Variants in CDH5 observed in about 807,000 individuals in gnomAD.
CDH5 encodes the protein cadherin-5.
CDH5 carries 28 observed loss-of-function variants against 62.0 expected under a neutral mutation model. The ratio of observed to expected loss-of-function variants is 0.45; its 90% CI spans 0.33 to 0.62. The LOEUF (loss-of-function observed/expected upper bound fraction) is 0.62, where lower values mean the gene tolerates loss of function less well. Among genes scored for constraint, CDH5 ranks in the 20% least tolerant of loss-of-function variants. CDH5 has a pLI of 0.02. For missense variants in CDH5, 940 were observed against 1,065.1 expected (o/e 0.88, Z 1.63); for synonymous variants, 464 against 445.8 (o/e 1.04, Z -0.52).
chr16:66,379,333 G>T lies in CDH5; in HGVS notation c.-5G>T. 2 of 1,604,062 alleles carry T rather than the reference G, an allele frequency of 1.2e-6. No individual in the cohort carries two copies. Among genetic ancestry groups the T allele is most frequent in the Non-Finnish European group, 1.7e-6 (2 of 1,173,146 alleles). On this transcript the variant is annotated 5_prime_UTR_variant, in exon 2 of 12. Coordinates refer to ENST00000341529, the MANE Select transcript of CDH5 (RefSeq NM_001795.5). ...TCTTTCCCCAGATCTGTTCCTCCTG[G>T]GAAGATGCAGAGGCTCATGATGCTC...
chr16:66,392,494 T>C, intron 7 of CDH5, 111 bp downstream of exon 7: 1 of 1,433,880 alleles, frequency 7.0e-7, no homozygotes, highest in South Asian at 1.3e-5. Context: ...CTCCTAGCAC[T>C]TACAGGGAAA....
rs147540615 is a variant in CDH5 at position 66,389,406 on chromosome 16, G to T, written c.665G>T (p.Arg222Met). 4 of 1,613,534 alleles carry T rather than the reference G, an allele frequency of 2.5e-6. No homozygotes were observed. The African/African-American group carries it at 5.3e-5, about 22-fold the overall frequency. Reference sequence around the variant, plus strand: ...AGCTTGGACCGAGAGAAGCAGGCCAGGTATGAGATCGTGGTGGAAGCGCGA... The same window carrying T: ...AGCTTGGACCGAGAGAAGCAGGCCATGTATGAGATCGTGGTGGAAGCGCGA... ...TKSLDREKQA[R>M]YEIVVEARDA... The change falls in exon 5 of 12, where the codon AGG becomes ATG. Residue 222 changes from arginine to methionine, a missense_variant. By Grantham distance (91) the Arg-to-Met change is moderately conservative (BLOSUM62 -1). Transcript: ENST00000341529.
In CDH5 at chr16:66,387,059, G is replaced by A. The variant is rs146881905; in HGVS notation, c.461G>A (p.Arg154Gln). Residue 154 changes from arginine to glutamine, a missense_variant, in exon 3 of 12, where the codon CGG becomes CAG. Physicochemically the swap from Arg to Gln is conservative, Grantham distance 43. Transcript: ENST00000341529. Reference protein sequence around the residue: ...VNDNWPVFTHRLFNASVPESS... With the variant: ...VNDNWPVFTHQLFNASVPESS... ...GACAACTGGCCTGTGTTCACGCATC[G>A]GTTGTTCAATGCGTCCGTGCCTGAG... 1.6e-4 allele frequency: 257 copies of A among 1,614,038 alleles called. No individual in the cohort carries two copies. The East Asian group carries it at 4.5e-3, about 29-fold the overall frequency.
At chr16:66,393,241 G>A (rs747608312) in intron 7 of CDH5, among the ~76,000 whole-genome samples, 19 of 152,200 alleles carry the variant, frequency 1.2e-4, no homozygotes, top group South Asian at 6.2e-4. Flanking sequence ...GTATATACCT[G>A]TATCTACTTC....
chr16:66,378,010 C>T (rs963793970), intron 1 of CDH5, among the ~76,000 whole-genome samples: 5 of 152,180 alleles, frequency 3.3e-5, no homozygotes, highest in African/African-American at 1.2e-4. Context: ...TTCTTTTGCA[C>T]TGGGCCACAC....
At chr16:66,392,510 A>G in intron 7 of CDH5, 127 bp downstream of exon 7, 1 of 1,339,448 alleles carries the variant, frequency 7.5e-7, no homozygotes, top group Non-Finnish European at 1.0e-6. Flanking sequence ...GGAAAGTGAC[A>G]GAGGCAAGAC....
chr16:66,371,329 C>T (rs1453831111), intron 1 of CDH5, among the ~76,000 whole-genome samples: 3 of 152,228 alleles, frequency 2.0e-5, no homozygotes. Context: ...GTCTTCAGTG[C>T]CCCCACTCCA....
At chr16:66,371,728 A>T (rs781758439) in intron 1 of CDH5, among the ~76,000 whole-genome samples, 1 of 152,046 alleles carries the variant, frequency 6.6e-6, no homozygotes, top group Non-Finnish European at 1.5e-5. Flanking sequence ...CTAAGGCTTG[A>T]GTGGGGCTCT....
Position 66,379,556 on chromosome 16 carries a change from C to G in CDH5, c.210+9C>G, listed in dbSNP as rs774709749. On this transcript the variant is annotated intron_variant, in intron 2 of 11. Transcript: ENST00000341529. ...CCCATCATGTAGGCAAGGTAAGGCT[C>G]AAGCCCCAGGACAGGAGAAGCCATC... The G allele has an allele frequency of 2.5e-6, 4 of 1,613,204 alleles. No homozygotes were observed. In the South Asian group the frequency reaches 3.3e-5, roughly 13 times the overall value.
rs543292236 is a variant in CDH5 at position 66,375,094 on chromosome 16, G to A, written c.-19-4225G>A. Among the ~76,000 whole-genome samples, 264 of 152,212 alleles carry A rather than the reference G, an allele frequency of 1.7e-3. 1 individual carries two copies. Among genetic ancestry groups the A allele is most frequent in the African/African-American group, 5.7e-3 (236 of 41,510 alleles). The stretch of plus-strand genomic sequence containing the variant: ...AGAAATCTGGATCGTATAGCCTGCC[G>A]CACACCTAGGCTGTACGGTACAGTC... On this transcript the variant is annotated intron_variant, in intron 1 of 11. Coordinates refer to ENST00000341529, the MANE Select transcript of CDH5 (RefSeq NM_001795.5).
In CDH5 at chr16:66,402,899, G is replaced by T. The variant is rs374977157; in HGVS notation, c.2085G>T (p.Ala695=). The change falls in exon 12 of 12, where the codon GCG becomes GCT. Residue 695 remains alanine (A), a synonymous_variant. Coordinates refer to ENST00000341529, the MANE Select transcript of CDH5 (RefSeq NM_001795.5). The part of the protein sequence containing the change: ...YAQVQKPPRH[A]PGAHGGPGEM... ...AGGTGCAGAAGCCACCGAGGCACGCGCCTGGGGCACACGGAGGGCCCGGGG... is the reference window on the plus strand; with the variant it reads ...AGGTGCAGAAGCCACCGAGGCACGCTCCTGGGGCACACGGAGGGCCCGGGG... The T allele has an allele frequency of 1.1e-5, 18 of 1,611,224 alleles. No homozygotes were observed. The highest frequency in any genetic ancestry group is 1.4e-5 in the Non-Finnish European group (17 of 1,179,648).
At chr16:66,385,163 G>C (rs1194548482) in intron 2 of CDH5, among the ~76,000 whole-genome samples, 5 of 152,092 alleles carry the variant, frequency 3.3e-5, no homozygotes, top group African/African-American at 1.2e-4. Flanking sequence ...TTCTATGAGA[G>C]TATCATTGTA....
rs1364119562 is a variant in CDH5, at chr16:66,392,142, G to A, written c.976G>A (p.Asp326Asn). The stretch of plus-strand genomic sequence containing the variant: ...ATCCTTTTTCCTTACGCAGCCTCTG[G>A]ATTATGAATACATCCAGCAATACAG... ...EGIIKPMKPLDYEYIQQYSFI... is the reference protein window; with the variant it reads ...EGIIKPMKPLNYEYIQQYSFI... Residue 326 changes from aspartate to asparagine, a missense_variant, in exon 7 of 12, where the codon GAT becomes AAT. Physicochemically the swap from Asp to Asn is conservative, Grantham distance 23. Transcript: ENST00000341529. 1.2e-6 allele frequency: 2 copies of A among 1,613,998 alleles called. No individual in the cohort carries two copies. Among genetic ancestry groups the A allele is most frequent in the East Asian group, 2.2e-5 (1 of 44,900 alleles).
chr16:66,389,906 G>T (rs1309803663), intron 5 of CDH5, among the ~76,000 whole-genome samples: 1 of 152,210 alleles, frequency 6.6e-6, no homozygotes. Context: ...CATGGGGACA[G>T]CAAAGTTCTA....
intron 1 of CDH5, among the ~76,000 whole-genome samples, chr16:66,372,624 C>T (rs1960712172): frequency 1.3e-5 from 2 of 152,188 alleles, no homozygotes; most frequent in Admixed American, 1.3e-4. Flanking sequence ...GAGGACCCCT[C>T]GGTCACCAGG....
chr16:66,377,760 A>T (rs984084170), intron 1 of CDH5: 2 of 152,112 alleles, frequency 1.3e-5, no homozygotes, highest in African/African-American at 4.8e-5. Flanking sequence ...GAGGGTGGAG[A>T]GATAGAGTCA....
intron 8 of CDH5, among the ~76,000 whole-genome samples, chr16:66,397,444 A>G (rs1303375487): frequency 1.3e-5 from 2 of 152,112 alleles, no homozygotes; most frequent in Non-Finnish European, 2.9e-5. Flanking sequence ...CTTGTCTCCA[A>G]CTCTGGGCCC....
At position 66,388,409 on chromosome 16, in the gene CDH5, G is replaced by A; in HGVS notation, c.585G>A (p.Lys195=). Residue 195 remains lysine, a synonymous_variant, in exon 4 of 12, where the codon AAG becomes AAA. Transcript: ENST00000341529. ...CCTCTGTCATGTACCAAATCCTGAA[G>A]GGGAAAGAGTATTTTGCCATCGATA... ...DHASVMYQIL[K]GKEYFAIDNS... 1 of 1,613,180 alleles carries A rather than the reference G, an allele frequency of 6.2e-7. No homozygotes were observed.
intron 10 of CDH5, among the ~76,000 whole-genome samples, chr16:66,399,580 T>C (rs1961246048): frequency 6.6e-6 from 1 of 152,178 alleles, no homozygotes; most frequent in African/African-American, 2.4e-5. Flanking sequence ...CCTGATGTGT[T>C]GACAGTCAAT....
Sources: allele counts gnomAD v4.1 joint callset (sites outside exome capture counted in the v4.1 genomes callset), GRCh38; gene constraint gnomAD v4.1.1; transcripts MANE v1.5; gene names NCBI Gene and HGNC (gene_info 2026-07-23, HGNC 2026-07-21).